INPP4B: variants seen among roughly 807,000 people sequenced by gnomAD.
INPP4B encodes the protein inositol polyphosphate-4-phosphatase type II B.
In INPP4B, 55 loss-of-function variants were observed where a neutral mutation model predicts 122.5. That is an observed-to-expected ratio of 0.45 (90% confidence interval 0.36 to 0.56). INPP4B has a LOEUF of 0.56. INPP4B is among the 20% of genes least tolerant of loss of function. INPP4B has a pLI of 0.00. For missense variants in INPP4B, 1,000 were observed against 1,097.7 expected, an observed-to-expected ratio of 0.91 and a Z score of 1.26; for synonymous variants, 403 against 388.7, an observed-to-expected ratio of 1.04 and a Z score of -0.43.
rs1412176547 is a variant in INPP4B at position 142,846,219 on chromosome 4, G to C, written c.-264C>G. On this transcript the variant is annotated 5_prime_UTR_variant, in exon 1 of 26. Coordinates refer to ENST00000262992, the MANE Select transcript of INPP4B (RefSeq NM_001101669.3). This position sits in a 1 kb window ranked among gnomAD's most constrained non-coding sequence, Gnocchi z 5.1. Reference sequence around the variant, plus strand: ...CAGGCGGGTAATTACCTCTCCCGGAGGCGGAGTGGGGGGCGGCAGCAGCAG... The same window carrying C: ...CAGGCGGGTAATTACCTCTCCCGGACGCGGAGTGGGGGGCGGCAGCAGCAG... The C allele has an allele frequency of 6.6e-6, 1 of 152,514 alleles. No homozygotes were observed. The highest frequency in any genetic ancestry group is 2.4e-5 in the African/African-American group (1 of 41,398). 9.4% of individuals were successfully genotyped at this position (152,514 alleles called of 1,614,324 possible).
intron 25 of INPP4B, among the ~76,000 whole-genome samples, chr4:142,050,797 A>G (rs1258200554): frequency 6.6e-6 from 1 of 152,038 alleles, no homozygotes; most frequent in Non-Finnish European, 1.5e-5. Flanking sequence ...TGGTACCTAC[A>G]GGTGGATTGG....
At chr4:142,281,982 C>T (rs758981636) in intron 9 of INPP4B, among the ~76,000 whole-genome samples, 42 of 152,096 alleles carry the variant, frequency 2.8e-4, no homozygotes, top group South Asian at 1.7e-3. Flanking sequence ...TACTATTAAA[C>T]GCTAATCCAT....
intron 15 of INPP4B, among the ~76,000 whole-genome samples, chr4:142,174,786 G>A (rs948291851): frequency 9.9e-5 from 15 of 151,788 alleles, no homozygotes; most frequent in Admixed American, 9.2e-4. Context: ...CATCACACCT[G>A]ATTAAATTAA....
At chr4:142,844,378 C>T (rs2151221590) in intron 1 of INPP4B, among the ~76,000 whole-genome samples, 1 of 152,314 alleles carries the variant, frequency 6.6e-6, no homozygotes, top group South Asian at 2.1e-4. Context: ...TGTCACTGAG[C>T]ATTTAGCCTA....
intron 25 of INPP4B, among the ~76,000 whole-genome samples, chr4:142,079,223 G>A (rs1772505815): frequency 6.6e-6 from 1 of 151,976 alleles, no homozygotes; most frequent in African/African-American, 2.4e-5. Context: ...TGAAGTCTGG[G>A]CTTTCAGTGT....
intron 2 of INPP4B, among the ~76,000 whole-genome samples, chr4:142,699,225 T>A (rs1465174855): frequency 6.6e-6 from 1 of 152,174 alleles, no homozygotes; most frequent in Non-Finnish European, 1.5e-5. Context: ...TTCTGAAGCA[T>A]GGTAGCACAG....
At chr4:142,346,344 A>G (rs1182194216) in intron 7 of INPP4B, among the ~76,000 whole-genome samples, 3 of 151,996 alleles carry the variant, frequency 2.0e-5, no homozygotes, top group African/African-American at 7.2e-5. Context: ...GCTGTCTATC[A>G]CTGCATAGTT....
chr4:142,484,645 G>A (rs1820983389), intron 2 of INPP4B, among the ~76,000 whole-genome samples: 1 of 151,970 alleles, frequency 6.6e-6, no homozygotes, highest in South Asian at 2.1e-4. Flanking sequence ...TACAGGATGT[G>A]CATGTTTGTT....
At chr4:142,361,732 G>A (rs1405396852) in intron 7 of INPP4B, among the ~76,000 whole-genome samples, 1 of 151,698 alleles carries the variant, frequency 6.6e-6, no homozygotes, top group African/African-American at 2.4e-5. Flanking sequence ...CCCTCTGCAA[G>A]GTCTGTAATG....
intron 1 of INPP4B, among the ~76,000 whole-genome samples, chr4:142,775,505 C>T (rs1415624570): frequency 7.2e-6 from 1 of 138,620 alleles, no homozygotes; most frequent in Non-Finnish European, 1.6e-5. Flanking sequence ...CTTCCCTTCC[C>T]CTCCCCTCCC....
At position 142,714,026 on chromosome 4, in the gene INPP4B, A is replaced by T. The variant is rs185758324; in HGVS notation, c.-191+11813T>A. Reference sequence around the variant, plus strand: ...GCTTAATGGTCCACCAATCTGAGAAAATGCTGGATTAAACAAAGTTAAACA... The same window carrying T: ...GCTTAATGGTCCACCAATCTGAGAATATGCTGGATTAAACAAAGTTAAACA... On this transcript the variant is annotated intron_variant, in intron 2 of 25. Transcript: ENST00000262992. 2.3e-3 allele frequency among the ~76,000 whole-genome samples: 346 copies of T among 152,338 alleles called. 1 individual carries two copies. Among genetic ancestry groups the T allele is most frequent in the African/African-American group, 8.2e-3 (342 of 41,582 alleles).
intron 2 of INPP4B, among the ~76,000 whole-genome samples, chr4:142,704,482 A>T (rs1762222923): frequency 6.6e-6 from 1 of 152,188 alleles, no homozygotes. Flanking sequence ...CACAGAATGA[A>T]TTCCTTCATT....
intron 4 of INPP4B, among the ~76,000 whole-genome samples, 197 bp from the exon 5 acceptor site, chr4:142,429,414 C>A (rs551314507): frequency 2.1e-4 from 32 of 152,022 alleles, no homozygotes; most frequent in Non-Finnish European, 4.1e-4. Flanking sequence ...CTAGATGTGA[C>A]TTAAGATTTG....
intron 2 of INPP4B, among the ~76,000 whole-genome samples, chr4:142,696,380 T>C (rs1220952302): frequency 6.6e-6 from 1 of 152,106 alleles, no homozygotes; most frequent in East Asian, 1.9e-4. Flanking sequence ...GGAACAATTA[T>C]AAACAAGGAT....
intron 7 of INPP4B, among the ~76,000 whole-genome samples, chr4:142,392,000 A>G (rs1797851497): frequency 6.6e-6 from 1 of 152,210 alleles, no homozygotes; most frequent in Non-Finnish European, 1.5e-5. Flanking sequence ...AGAAAAAGAA[A>G]GCTTTTTATG....
intron 2 of INPP4B, among the ~76,000 whole-genome samples, chr4:142,499,347 T>A (rs964367248): frequency 2.0e-4 from 30 of 152,054 alleles, no homozygotes; most frequent in African/African-American, 6.3e-4. Flanking sequence ...ACCAAATATC[T>A]GAAAACAAGG....
chr4:142,066,830 C>T (rs911069922), intron 25 of INPP4B, among the ~76,000 whole-genome samples: 2 of 152,302 alleles, frequency 1.3e-5, no homozygotes, highest in African/African-American at 4.8e-5. Context: ...CCAGGAAGCT[C>T]GAACTGGATG....
chr4:142,170,826 A>T (rs926442965), intron 16 of INPP4B, among the ~76,000 whole-genome samples: 7 of 151,704 alleles, frequency 4.6e-5, no homozygotes, highest in African/African-American at 1.7e-4. Context: ...GTGACTGTCA[A>T]ATAGTATGAA....
In INPP4B at chr4:142,026,174, T is replaced by G. The variant is rs1462531476; in HGVS notation, c.*2608A>C. 1.3e-5 allele frequency: 2 copies of G among 152,184 alleles called. No homozygotes were observed. Among genetic ancestry groups the G allele is most frequent in the African/African-American group, 4.8e-5 (2 of 41,454 alleles). The allele number at this position is 152,184 out of a possible 1,614,324, so 9.4% of individuals were successfully genotyped here. A position where few individuals can be genotyped will look rare whatever the true frequency, so the allele number is the denominator to read the frequency against. On this transcript the variant is annotated 3_prime_UTR_variant, in exon 26 of 26. Coordinates refer to ENST00000262992, the MANE Select transcript of INPP4B (RefSeq NM_001101669.3). ...AAGTGAAAATATAGATAGAATAGCA[T>G]GACTGTGGCTGTGTTTGTTCAAGAG...
Sources: gnomAD v4.1 joint callset for allele counts (sites outside exome capture counted in the v4.1 genomes callset) on GRCh38, gnomAD v4.1.1 for gene constraint, Gnocchi (gnomAD v3.1) non-coding constraint, MANE v1.5 for transcripts, NCBI Gene and HGNC (gene_info 2026-07-23, HGNC 2026-07-21) for gene names.